The following DOCK3 variants were observed in gnomAD, a reference collection of about 807,000 sequenced individuals.
DOCK3 encodes dedicator of cytokinesis protein 3.
In DOCK3, 60 loss-of-function variants were observed where a neutral mutation model predicts 265.6. The ratio of observed to expected loss-of-function variants is 0.23; its 90% confidence interval spans 0.18 to 0.28. DOCK3 has a LOEUF of 0.28. Among genes scored for constraint, DOCK3 ranks in the 10% least tolerant of loss-of-function variants. The pLI, the probability that DOCK3 is intolerant of heterozygous loss-of-function variation, is 1.00. For synonymous variants in DOCK3, 881 were observed against 938.0 expected, an observed-to-expected ratio of 0.94 and a Z score of 1.11; for missense variants, 1,981 against 2,594.3, an observed-to-expected ratio of 0.76 and a Z score of 5.14.
intron 5 of DOCK3, among the ~76,000 whole-genome samples, chr3:51,059,455 CCACACACACACA>C (rs57596003): frequency 2.9e-4 from 41 of 140,712 alleles, no homozygotes; most frequent in East Asian, 2.1e-3. Context: ...AGAAAAAAAA[CCACACACACACA>C]CACACACACA....
At chr3:51,025,016 G>A (rs896879010) in intron 5 of DOCK3, among the ~76,000 whole-genome samples, 1 of 152,152 alleles carries the variant, frequency 6.6e-6, no homozygotes, top group Non-Finnish European at 1.5e-5. Flanking sequence ...CTCCAGCCAG[G>A]AGGTGTTGCT....
At chr3:51,110,007 TAAC>T (rs921790465) in intron 9 of DOCK3, among the ~76,000 whole-genome samples, 1 of 151,670 alleles carries the variant, frequency 6.6e-6, no homozygotes, top group Non-Finnish European at 1.5e-5. Flanking sequence ...GAAATACAGG[TAAC>T]AACCAGAGAG....
intron 9 of DOCK3, among the ~76,000 whole-genome samples, chr3:51,139,257 G>GT (rs923846319): frequency 4.7e-5 from 7 of 150,312 alleles, no homozygotes; most frequent in Non-Finnish European, 4.4e-5. Flanking sequence ...ACTGCAGTGG[G>GT]GGGAGGGCTA....
intron 4 of DOCK3, chr3:50,901,670 G>T (rs929481544): frequency 1.1e-5 from 5 of 454,124 alleles, no homozygotes; most frequent in Non-Finnish European, 1.8e-5. Flanking sequence ...AACTGGGCTG[G>T]AGTGCACTGT....
chr3:50,841,565 G>A, intron 2 of DOCK3, 110 bp from the exon 3 acceptor site: 1 of 360,498 alleles, frequency 2.8e-6, no homozygotes, highest in African/African-American at 2.0e-5. Flanking sequence ...AAGCCACAGT[G>A]GGTGTTTTAA....
At chr3:50,764,873 T>A (rs2040769025) in intron 1 of DOCK3, among the ~76,000 whole-genome samples, 1 of 152,128 alleles carries the variant, frequency 6.6e-6, no homozygotes, top group South Asian at 2.1e-4. Context: ...CACGGATAAA[T>A]CCTTCATTAT....
Position 51,049,829 on chromosome 3 carries a change from C to CACACA in DOCK3, c.316-14619_316-14618insACACA, listed in dbSNP as rs377417609. Among the ~76,000 whole-genome samples the CACACA allele has an allele frequency of 6.5e-3, 936 of 144,430 alleles. 3 individuals carry two copies. The highest frequency in any genetic ancestry group is 0.018 in the Middle Eastern group (5 of 284). 94.8% of individuals were successfully genotyped at this position (144,430 alleles called of 152,430 possible). ...CACACACACACACACACACACACAC[C>CACACA]CCAAAAAAACACTGTTAGAACTAAT... On this transcript the variant is annotated intron_variant, in intron 5 of 52. Coordinates refer to ENST00000266037, the MANE Select transcript of DOCK3 (RefSeq NM_004947.5).
At chr3:50,897,413 C>T (rs1315020781) in intron 4 of DOCK3, among the ~76,000 whole-genome samples, 2 of 152,196 alleles carry the variant, frequency 1.3e-5, no homozygotes, top group East Asian at 1.9e-4. Context: ...AATATACAAT[C>T]ATGTCATCTG....
At chr3:50,710,851 G>A (rs2036717450) in intron 1 of DOCK3, among the ~76,000 whole-genome samples, 1 of 152,206 alleles carries the variant, frequency 6.6e-6, no homozygotes, top group Non-Finnish European at 1.5e-5. Context: ...AATGGCATTT[G>A]CAGCAACCTG....
At chr3:50,709,591 C>T (rs1484405825) in intron 1 of DOCK3, among the ~76,000 whole-genome samples, 1 of 151,962 alleles carries the variant, frequency 6.6e-6, no homozygotes, top group Non-Finnish European at 1.5e-5. Flanking sequence ...TTTGGGAGGC[C>T]GAGGTGGGCC....
At chr3:51,016,608 A>G (rs1191801209) in intron 5 of DOCK3, among the ~76,000 whole-genome samples, 1 of 74,278 alleles carries the variant, frequency 1.3e-5, no homozygotes, top group Non-Finnish European at 2.2e-5. Flanking sequence ...TGATATATAT[A>G]TTATATATTT....
chr3:51,200,523 G>A (rs1045359816), intron 12 of DOCK3, among the ~76,000 whole-genome samples: 2 of 149,062 alleles, frequency 1.3e-5, no homozygotes, highest in Non-Finnish European at 3.0e-5. Context: ...GGGACTATGT[G>A]AAAAGACCAA....
At chr3:51,353,279 TA>T (rs1288059076) in intron 40 of DOCK3, among the ~76,000 whole-genome samples, 1 of 152,236 alleles carries the variant, frequency 6.6e-6, no homozygotes, top group Non-Finnish European at 1.5e-5. Flanking sequence ...TTCCTAGCGT[TA>T]ATCAGAATCA....
chr3:51,225,705 G>GGA lies in DOCK3; in HGVS notation c.1310_1311dup (p.Lys438GlufsTer10). 6.2e-7 allele frequency: 1 copy of GGA among 1,613,794 alleles called. No homozygotes were observed. The highest frequency in any genetic ancestry group is 8.5e-7 in the Non-Finnish European group (1 of 1,179,776). ...GGAGAAGGGGGATTTCGAGAGAGGA[G>GGA]GAAAGAGTGTACAAAAGAATATTGA... On this transcript the variant is annotated frameshift_variant, in exon 15 of 53. Coordinates refer to ENST00000266037, the MANE Select transcript of DOCK3 (RefSeq NM_004947.5). LOFTEE classifies it high-confidence loss of function.
At chr3:51,259,635 T>C (rs2079747341) in intron 22 of DOCK3, among the ~76,000 whole-genome samples, 1 of 152,190 alleles carries the variant, frequency 6.6e-6, no homozygotes, top group Non-Finnish European at 1.5e-5. Flanking sequence ...GGGACAGGTT[T>C]TCTTCAGATT....
intron 1 of DOCK3, among the ~76,000 whole-genome samples, chr3:50,676,283 A>G (rs1265656915): frequency 6.6e-6 from 1 of 152,228 alleles, no homozygotes; most frequent in Non-Finnish European, 1.5e-5. Context: ...CTGCAGTGGT[A>G]ACGAATGTTT....
chr3:50,940,289 C>CA (rs34253657), intron 5 of DOCK3, among the ~76,000 whole-genome samples: 152 of 117,326 alleles, frequency 1.3e-3, no homozygotes, highest in African/African-American at 4.6e-3. Context: ...CCATTTCTAC[C>CA]AAAAAAAAAA....
chr3:51,228,709 C>T lies in DOCK3; in HGVS notation c.1696C>T (p.Pro566Ser). The change falls in exon 18 of 53, where the codon CCC becomes TCC. Residue 566 changes from proline to serine, a missense_variant. Pro to Ser is a moderately conservative substitution (Grantham distance 74). Transcript: ENST00000266037. ...TAACCATGCTCTGTACCTGGGCCTG[C>T]CCTGCTGCAAAGAGGACTACAATGG... ...FNNHALYLGL[P>S]CCKEDYNGCP... The T allele has an allele frequency of 6.2e-7, 1 of 1,613,948 alleles. No individual in the cohort carries two copies. Among genetic ancestry groups the T allele is most frequent in the Non-Finnish European group, 8.5e-7 (1 of 1,179,884 alleles).
chr3:51,021,661 C>T (rs942572620), intron 5 of DOCK3, among the ~76,000 whole-genome samples: 1 of 142,816 alleles, frequency 7.0e-6, no homozygotes. Flanking sequence ...GGAGAACTTC[C>T]TTTTTTTTTT....
Sources: gnomAD v4.1 joint callset for allele counts (sites outside exome capture counted in the v4.1 genomes callset) on GRCh38, gnomAD v4.1.1 for gene constraint, MANE v1.5 for transcripts, NCBI Gene and HGNC (gene_info 2026-07-23, HGNC 2026-07-21) for gene names.